Variants in CHRM3 observed in about 807,000 individuals in gnomAD.
The protein encoded by CHRM3 is muscarinic acetylcholine receptor M3.
Under a neutral mutation model 41.8 loss-of-function variants are expected in CHRM3, and 11 were observed. That is an observed-to-expected ratio of 0.26 (90% CI 0.17 to 0.44). The LOEUF (loss-of-function observed/expected upper bound fraction) is 0.44. Among genes scored for constraint, CHRM3 ranks in the 20% least tolerant of loss-of-function variants. The pLI is 1.00. For missense variants in CHRM3, 571 were observed against 745.4 expected (o/e 0.77, Z 2.72); for synonymous variants, 297 against 301.4 (o/e 0.99, Z 0.15).
chr1:239,534,585 G>C (rs745900194), intron 2 of CHRM3, among the ~76,000 whole-genome samples: 22 of 152,210 alleles, frequency 1.4e-4, no homozygotes, highest in Middle Eastern at 3.4e-3. Flanking sequence ...AATTACTTCT[G>C]ATTTTAAAAG....
intron 6 of CHRM3, among the ~76,000 whole-genome samples, chr1:239,893,324 C>T (rs111969140): frequency 1.7e-3 from 253 of 152,266 alleles, no homozygotes; most frequent in South Asian, 2.5e-3. Flanking sequence ...ATGAGAGAGG[C>T]AAGGGCAAGA....
intron 4 of CHRM3, among the ~76,000 whole-genome samples, chr1:239,654,889 A>C (rs1184233985): frequency 6.6e-6 from 1 of 152,248 alleles, no homozygotes; most frequent in Non-Finnish European, 1.5e-5. Context: ...TGTAAAGGAA[A>C]GGACAACAAT....
chr1:239,598,742 A>G (rs1321128675), intron 3 of CHRM3, among the ~76,000 whole-genome samples: 3 of 152,102 alleles, frequency 2.0e-5, no homozygotes, highest in Non-Finnish European at 4.4e-5. Context: ...AGTACTCCTT[A>G]CCTTTTCCCC....
At chr1:239,892,409 AT>A (rs1474441430) in intron 6 of CHRM3, among the ~76,000 whole-genome samples, 1 of 152,212 alleles carries the variant, frequency 6.6e-6, no homozygotes, top group East Asian at 1.9e-4. Flanking sequence ...AAAGAATTTA[AT>A]TTACATTTTA....
chr1:239,396,349 C>T (rs1468636517), intron 1 of CHRM3, among the ~76,000 whole-genome samples: 1 of 152,040 alleles, frequency 6.6e-6, no homozygotes, highest in East Asian at 1.9e-4. Context: ...AATATGTAAA[C>T]AGGCACAGTG....
intron 3 of CHRM3, among the ~76,000 whole-genome samples, chr1:239,574,914 C>CTTTTA (rs1215363527): frequency 5.3e-5 from 8 of 151,958 alleles, no homozygotes; most frequent in Middle Eastern, 3.2e-3. Context: ...AGGTAACAAT[C>CTTTTA]TTTTATTTTA....
chr1:239,784,789 A>C (rs1212398001), intron 5 of CHRM3, among the ~76,000 whole-genome samples: 2 of 152,134 alleles, frequency 1.3e-5, no homozygotes, highest in Non-Finnish European at 2.9e-5. Context: ...CTTATTAGCA[A>C]CAAGGCTAAT....
chr1:239,679,390 G>A (rs1286389968), intron 5 of CHRM3, among the ~76,000 whole-genome samples: 3 of 152,094 alleles, frequency 2.0e-5, no homozygotes, highest in African/African-American at 2.4e-5. Flanking sequence ...GTGAGCTCAA[G>A]ACCTAACTCT....
At chr1:239,468,712 A>C (rs779914935) in intron 1 of CHRM3, among the ~76,000 whole-genome samples, 1 of 152,222 alleles carries the variant, frequency 6.6e-6, no homozygotes, top group Non-Finnish European at 1.5e-5. Flanking sequence ...ATTTAATGTC[A>C]TAATATGCTT....
chr1:239,450,867 T>A (rs1664507388), intron 1 of CHRM3, among the ~76,000 whole-genome samples: 1 of 152,194 alleles, frequency 6.6e-6, no homozygotes, highest in Admixed American at 6.5e-5. Flanking sequence ...AGTTTTAAAT[T>A]TGAGCATCGT....
intron 6 of CHRM3, among the ~76,000 whole-genome samples, chr1:239,898,899 T>C (rs2102994617): frequency 6.6e-6 from 1 of 152,318 alleles, no homozygotes; most frequent in East Asian, 1.9e-4. Flanking sequence ...GAAAAGTTAT[T>C]TTTTGCCATA....
chr1:239,510,939 A>G (rs1668879176), intron 2 of CHRM3, among the ~76,000 whole-genome samples: 1 of 152,200 alleles, frequency 6.6e-6, no homozygotes, highest in African/African-American at 2.4e-5. Flanking sequence ...ATGAAACATT[A>G]AGGGCAAGAT....
chr1:239,665,265 T>C (rs1673666326), intron 4 of CHRM3, among the ~76,000 whole-genome samples: 1 of 152,024 alleles, frequency 6.6e-6, no homozygotes, highest in Admixed American at 6.6e-5. Context: ...CCAGTGCCGC[T>C]TCCTGTAATC....
chr1:239,394,801 C>A (rs1659339933), intron 1 of CHRM3, among the ~76,000 whole-genome samples: 1 of 152,162 alleles, frequency 6.6e-6, no homozygotes, highest in South Asian at 2.1e-4. Flanking sequence ...ATCTTTCTTC[C>A]ACAAGAAAAT....
At chr1:239,737,959 C>T (rs913401871) in intron 5 of CHRM3, among the ~76,000 whole-genome samples, 1 of 152,108 alleles carries the variant, frequency 6.6e-6, no homozygotes, top group Non-Finnish European at 1.5e-5. Context: ...ACTTTTGTTT[C>T]TTCCTTATAA....
chr1:239,405,267 A>G (rs1558197019), intron 1 of CHRM3, among the ~76,000 whole-genome samples: 1 of 152,210 alleles, frequency 6.6e-6, no homozygotes, highest in Non-Finnish European at 1.5e-5. Context: ...TGACCCACAC[A>G]CAATCTCTTC....
intron 1 of CHRM3, among the ~76,000 whole-genome samples, chr1:239,429,788 T>C (rs1303551048): frequency 1.3e-5 from 2 of 151,882 alleles, no homozygotes; most frequent in Admixed American, 6.6e-5. Flanking sequence ...AGGGAGTTTT[T>C]TTTTTTTTTT....
chr1:239,621,095 C>CT, intron 3 of CHRM3, among the ~76,000 whole-genome samples: 1 of 152,128 alleles, frequency 6.6e-6, no homozygotes. Context: ...GTATTTCAAG[C>CT]TTTTTAATTA....
At chr1:239,408,520 TC>T (rs1461608654) in intron 1 of CHRM3, among the ~76,000 whole-genome samples, 1 of 62,668 alleles carries the variant, frequency 1.6e-5, no homozygotes, top group Non-Finnish European at 2.8e-5. Flanking sequence ...AGAGACTCCG[TC>T]AAAAAAAAAA....
Sources: allele counts gnomAD v4.1 joint callset (sites outside exome capture counted in the v4.1 genomes callset), GRCh38; gene constraint gnomAD v4.1.1; transcripts MANE v1.5; gene names NCBI Gene and HGNC (gene_info 2026-07-23, HGNC 2026-07-21).